Variants in LRIG2 observed in about 807,000 individuals in gnomAD.
LRIG2 encodes leucine rich repeats and immunoglobulin like domains 2, also known as leucine-rich repeats and immunoglobulin-like domains protein 2.
Under a neutral mutation model 107.8 loss-of-function variants are expected in LRIG2, and 93 were observed. The ratio of observed to expected loss-of-function variants is 0.86; its 90% CI spans 0.73 to 1.03. LRIG2 has a LOEUF of 1.03. Ranked by LOEUF, LRIG2 falls within the 50% of genes least tolerant of loss-of-function variation. The probability of loss-of-function intolerance (pLI) is 0.00; values close to 1 mark genes in which losing one functional copy is unlikely to be tolerated. For missense variants in LRIG2, 1,226 were observed against 1,296.0 expected, an observed-to-expected ratio of 0.95 and a Z score of 0.83; for synonymous variants, 471 against 470.6, an observed-to-expected ratio of 1.00 and a Z score of -0.01.
intron 17 of LRIG2, among the ~76,000 whole-genome samples, chr1:113,123,653 G>A (rs965819004): frequency 6.6e-6 from 1 of 150,812 alleles, no homozygotes; most frequent in Non-Finnish European, 1.5e-5. Context: ...ACGATATATA[G>A]TATGATCTCA....
chr1:113,091,590 A>G (rs12122303), intron 2 of LRIG2, among the ~76,000 whole-genome samples: 2,397 of 152,312 alleles, frequency 0.016, 29 homozygotes, highest in Non-Finnish European at 0.025. Context: ...TTCAAGTTGC[A>G]GGCTGTGGGG....
chr1:113,104,743 T>A (rs1186736389), intron 11 of LRIG2, among the ~76,000 whole-genome samples: 1 of 152,176 alleles, frequency 6.6e-6, no homozygotes, highest in Non-Finnish European at 1.5e-5. Flanking sequence ...AGGTATAATA[T>A]AAGCTGGACT....
At position 113,112,777 on chromosome 1, in the gene LRIG2, A is replaced by G. The variant is rs1442434380; in HGVS notation, c.2080+17A>G. The G allele has an allele frequency of 6.3e-7, 1 of 1,575,328 alleles. No homozygotes were observed. Among genetic ancestry groups the G allele is most frequent in the Non-Finnish European group, 8.7e-7 (1 of 1,153,628 alleles). ...CAGTGTTAGGTACGTTTACTGCTCC[A>G]TGGGTCCCTGCTTTTGTTGGAGTCT... On this transcript the variant is annotated intron_variant, in intron 14 of 17. Transcript: ENST00000361127.
intron 9 of LRIG2, among the ~76,000 whole-genome samples, chr1:113,099,244 C>CTTTCTTTTT (rs1553228726): frequency 4.2e-5 from 5 of 117,944 alleles, no homozygotes; most frequent in Admixed American, 3.1e-4. Context: ...TGGTTTTTTT[C>CTTTCTTTTT]TTTTTTTTTT....
Position 113,116,298 on chromosome 1 carries a change from C to CTAGA in LRIG2, c.2543_2544insAGAT (p.Pro849AspfsTer17). On this transcript the variant is annotated frameshift_variant, in exon 16 of 18. Coordinates refer to ENST00000361127, the MANE Select transcript of LRIG2 (RefSeq NM_014813.3). LOFTEE classifies it high-confidence loss of function. ...TGTCTCTTTTACAGAGGAGCTCAAT[C>CTAGA]TGCCTGCAGACATTCCCAGCTACTT... 1 of 1,612,610 alleles carries CTAGA rather than the reference C, an allele frequency of 6.2e-7. No individual in the cohort carries two copies. The highest frequency in any genetic ancestry group is 2.2e-5 in the East Asian group (1 of 44,854).
At chr1:113,092,663 G>C (rs111925705) in intron 2 of LRIG2, among the ~76,000 whole-genome samples, 4,394 of 152,148 alleles carry the variant, frequency 0.029, 215 homozygotes, top group African/African-American at 0.1. Flanking sequence ...TAACCTTTCT[G>C]ATATTAATAT....
intron 11 of LRIG2, among the ~76,000 whole-genome samples, chr1:113,106,858 TG>T (rs1442552174): frequency 6.6e-6 from 1 of 152,184 alleles, no homozygotes; most frequent in Non-Finnish European, 1.5e-5. Context: ...AATTATATGT[TG>T]TCTACAACAA....
chr1:113,112,737 C>T lies in LRIG2; in HGVS notation c.2057C>T (p.Ala686Val), dbSNP rs953216920. The T allele has an allele frequency of 1.2e-6, 2 of 1,606,028 alleles. No homozygotes were observed. The highest frequency in any genetic ancestry group is 2.7e-5 in the African/African-American group (2 of 74,924). ...CAAAATACAGCAGGAGGTCTCTCAG[C>T]AAATGCTTCCCTAACAGTGTTAGGT... ...MAQNTAGGLS[A>V]NASLTVLETP... Residue 686 changes from alanine (A) to valine (V), a missense_variant, in exon 14 of 18, where the codon GCA (alanine) becomes GTA (valine). By Grantham distance (64) the Ala-to-Val change is moderately conservative. Transcript: ENST00000361127.
intron 17 of LRIG2, among the ~76,000 whole-genome samples, chr1:113,122,075 C>CAT (rs1553231684): frequency 1.1e-5 from 1 of 87,084 alleles, no homozygotes; most frequent in Non-Finnish European, 2.0e-5. Flanking sequence ...TTAGGCTCAC[C>CAT]TTTTTTTTTT....
intron 9 of LRIG2, among the ~76,000 whole-genome samples, chr1:113,099,236 G>GTTTTTTTTT (rs567535044): frequency 5.6e-4 from 9 of 16,172 alleles, no homozygotes; most frequent in Non-Finnish European, 9.0e-4. Context: ...AACTTGGCTG[G>GTTTTTTTTT]TTTTTTTCTT....
chr1:113,079,723 G>A, intron 1 of LRIG2, among the ~76,000 whole-genome samples: 1 of 150,188 alleles, frequency 6.7e-6, no homozygotes. Context: ...TACCTTTGGA[G>A]GGAAATCAGG....
intron 1 of LRIG2, among the ~76,000 whole-genome samples, chr1:113,082,439 G>T (rs1653330567): frequency 6.6e-6 from 1 of 152,188 alleles, no homozygotes; most frequent in Non-Finnish European, 1.5e-5. Context: ...AATTTATAAA[G>T]AAAAGAAGTT....
chr1:113,078,851 G>T (rs1385203549), intron 1 of LRIG2, among the ~76,000 whole-genome samples: 1 of 151,992 alleles, frequency 6.6e-6, no homozygotes, highest in South Asian at 2.1e-4. Context: ...TGTTGGTCAG[G>T]CTGGTCTCAA....
In LRIG2 at chr1:113,131,798, G is replaced by A. The variant is rs984390212; in HGVS notation, c.*7697G>A. 2.7e-5 allele frequency: 3 copies of A among 109,564 alleles called. No homozygotes were observed. The highest frequency in any genetic ancestry group is 7.6e-4 in the South Asian group (2 of 2,624). The allele number at this position is 109,564 out of a possible 1,614,324, so 6.8% of individuals were successfully genotyped here. On this transcript the variant is annotated 3_prime_UTR_variant, in exon 18 of 18. Coordinates refer to ENST00000361127, the MANE Select transcript of LRIG2 (RefSeq NM_014813.3). ...TGAAGGTTTTGTCAGTAGTAAGGTA[G>A]GTTTTGTGTGTGTGTGTGTGTGTGT...
intron 1 of LRIG2, among the ~76,000 whole-genome samples, chr1:113,079,943 T>A (rs1023522079): frequency 2.0e-5 from 3 of 151,230 alleles, no homozygotes; most frequent in Non-Finnish European, 4.4e-5. Context: ...TTGGCCAGAC[T>A]GATCTCAAAC....
intron 1 of LRIG2, among the ~76,000 whole-genome samples, chr1:113,086,052 G>A (rs1653537611): frequency 7.3e-6 from 1 of 136,138 alleles, no homozygotes; most frequent in Admixed American, 8.1e-5. Flanking sequence ...TGTTGCTCAG[G>A]CTGGTGTGCA....
chr1:113,100,756 G>T, intron 11 of LRIG2: 1 of 280,282 alleles, frequency 3.6e-6, no homozygotes, highest in East Asian at 5.9e-5. Context: ...TGCTCCTTAT[G>T]CTTTATGTAT....
At chr1:113,122,075 CTTTTTTTTTTTT>C (rs758568453) in intron 17 of LRIG2, among the ~76,000 whole-genome samples, 7 of 87,058 alleles carry the variant, frequency 8.0e-5, no homozygotes, top group South Asian at 9.3e-4. Flanking sequence ...TTAGGCTCAC[CTTTTTTTTTTTT>C]TTTTTTTTTT....
intron 1 of LRIG2, among the ~76,000 whole-genome samples, chr1:113,075,088 G>A (rs1215013699): frequency 1.3e-5 from 2 of 151,360 alleles, no homozygotes; most frequent in Non-Finnish European, 2.9e-5. Context: ...GTGGTGGCGC[G>A]TGCCTGTAAT....
Sources: gnomAD v4.1 joint callset for allele counts (sites outside exome capture counted in the v4.1 genomes callset) on GRCh38, gnomAD v4.1.1 for gene constraint, MANE v1.5 for transcripts, NCBI Gene and HGNC (gene_info 2026-07-23, HGNC 2026-07-21) for gene names.